IQCJ: variants seen among roughly 807,000 people sequenced by gnomAD.
IQCJ encodes IQ domain-containing protein J.
In IQCJ, 9 loss-of-function variants were observed where a neutral mutation model predicts 11.0. The ratio of observed to expected loss-of-function variants is 0.82; its 90% confidence interval spans 0.49 to 1.43. The LOEUF (loss-of-function observed/expected upper bound fraction) is 1.43. Ranked by LOEUF, IQCJ falls within the 40% of genes most tolerant of loss-of-function variation. The probability of loss-of-function intolerance (pLI) is 0.00; values close to 1 mark genes in which losing one functional copy is unlikely to be tolerated. For synonymous variants in IQCJ, 55 were observed against 51.3 expected (o/e 1.07, Z -0.31); for missense variants, 146 against 133.2 (o/e 1.10, Z -0.47).
chr3:159,203,748 G>C (rs1724488192), intron 1 of IQCJ, among the ~76,000 whole-genome samples: 1 of 152,088 alleles, frequency 6.6e-6, no homozygotes, highest in Admixed American at 6.5e-5. Flanking sequence ...GCACCTCTGA[G>C]GGCAGGTCAC....
At chr3:159,179,640 C>T (rs929089823) in intron 1 of IQCJ, among the ~76,000 whole-genome samples, 1 of 152,050 alleles carries the variant, frequency 6.6e-6, no homozygotes, top group Non-Finnish European at 1.5e-5. Flanking sequence ...AGACATTAGG[C>T]CAGTATCAGT....
intron 1 of IQCJ, among the ~76,000 whole-genome samples, chr3:159,147,230 G>A (rs1046770440): frequency 1.3e-5 from 2 of 152,204 alleles, no homozygotes; most frequent in African/African-American, 2.4e-5. Context: ...TTAGTGCAAA[G>A]GGAAATGATT....
In IQCJ at chr3:159,094,950, A is replaced by T. The variant is rs186300453; in HGVS notation, c.9+25509A>T. On this transcript the variant is annotated intron_variant, in intron 1 of 3. Transcript: ENST00000397832. ...ATCAGGTAGTAATAACTGCTGCCTC[A>T]TGAGAACATTCACCTCTGCTCTCTC... 3.1e-3 allele frequency among the ~76,000 whole-genome samples: 467 copies of T among 152,012 alleles called. 16 individuals carry two copies. Among genetic ancestry groups the T allele is most frequent in the African/African-American group, 0.011 (442 of 41,260 alleles).
chr3:159,238,166 A>G (rs1310298239), intron 1 of IQCJ, among the ~76,000 whole-genome samples: 1 of 152,150 alleles, frequency 6.6e-6, no homozygotes, highest in African/African-American at 2.4e-5. Context: ...AGGCCACTCT[A>G]TGGAAACTAT....
intron 1 of IQCJ, among the ~76,000 whole-genome samples, chr3:159,226,259 A>G (rs1288252411): frequency 2.6e-5 from 4 of 152,120 alleles, no homozygotes; most frequent in South Asian, 2.1e-4. Context: ...CTCTATTCAC[A>G]TGGTTGGTTC....
intron 1 of IQCJ, among the ~76,000 whole-genome samples, chr3:159,120,216 T>A (rs1719285795): frequency 6.6e-6 from 1 of 152,248 alleles, no homozygotes; most frequent in South Asian, 2.1e-4. Context: ...TAGAGCTATA[T>A]TTGTAGTAGG....
At chr3:159,169,279 CTTTTTTTTT>C (rs141888128) in intron 1 of IQCJ, among the ~76,000 whole-genome samples, 2 of 56,404 alleles carry the variant, frequency 3.5e-5, no homozygotes, top group Non-Finnish European at 6.2e-5. Context: ...TTCTTTCTTT[CTTTTTTTTT>C]TTTTTTTTTT....
At chr3:159,256,583 G>A (rs1727910374) in intron 3 of IQCJ, among the ~76,000 whole-genome samples, 1 of 152,160 alleles carries the variant, frequency 6.6e-6, no homozygotes, top group South Asian at 2.1e-4. Context: ...GTGACCTTGG[G>A]AACACCAGTG....
chr3:159,093,619 C>T (rs1717505598), intron 1 of IQCJ, among the ~76,000 whole-genome samples: 1 of 151,756 alleles, frequency 6.6e-6, no homozygotes. Context: ...GTGTATTAGT[C>T]TGTTCACATG....
At chr3:159,249,078 A>T (rs907281760) in intron 2 of IQCJ, among the ~76,000 whole-genome samples, 1 of 151,790 alleles carries the variant, frequency 6.6e-6, no homozygotes, top group Admixed American at 6.6e-5. Flanking sequence ...CTGGTCTCGA[A>T]CTCCTGACCT....
At chr3:159,133,993 CT>C (rs1349841086) in intron 1 of IQCJ, among the ~76,000 whole-genome samples, 1 of 151,212 alleles carries the variant, frequency 6.6e-6, no homozygotes, top group Non-Finnish European at 1.5e-5. Flanking sequence ...GGAAAATTCA[CT>C]TCTGAGCTCA....
chr3:159,237,297 A>T (rs1358167619), intron 1 of IQCJ, among the ~76,000 whole-genome samples: 1 of 152,214 alleles, frequency 6.6e-6, no homozygotes, highest in Non-Finnish European at 1.5e-5. Flanking sequence ...AATAAAAAAC[A>T]AACCAGAACA....
intron 1 of IQCJ, among the ~76,000 whole-genome samples, chr3:159,139,401 A>G (rs1460929801): frequency 6.6e-6 from 1 of 152,174 alleles, no homozygotes; most frequent in African/African-American, 2.4e-5. Context: ...TGTGACTTGG[A>G]TGCACCCCAA....
chr3:159,126,666 A>G (rs1337994177), intron 1 of IQCJ, among the ~76,000 whole-genome samples: 2 of 152,222 alleles, frequency 1.3e-5, no homozygotes, highest in Admixed American at 1.3e-4. Context: ...CTCTTAGGGA[A>G]TTTGACAGAA....
chr3:159,167,177 G>A (rs1213634159), intron 1 of IQCJ, among the ~76,000 whole-genome samples: 2 of 152,184 alleles, frequency 1.3e-5, no homozygotes, highest in Non-Finnish European at 2.9e-5. Flanking sequence ...ATTTGAACAT[G>A]AAAATCTACT....
chr3:159,144,958 G>T (rs1720840785), intron 1 of IQCJ, among the ~76,000 whole-genome samples: 1 of 152,116 alleles, frequency 6.6e-6, no homozygotes, highest in Non-Finnish European at 1.5e-5. Context: ...AGTCTCCTCA[G>T]AAGGAAAGCA....
At chr3:159,119,488 G>C (rs1402954443) in intron 1 of IQCJ, among the ~76,000 whole-genome samples, 2 of 152,094 alleles carry the variant, frequency 1.3e-5, no homozygotes, top group Non-Finnish European at 2.9e-5. Context: ...TTTTTAAGAT[G>C]AAAAATTATA....
At chr3:159,144,972 A>G (rs1720841129) in intron 1 of IQCJ, among the ~76,000 whole-genome samples, 1 of 152,214 alleles carries the variant, frequency 6.6e-6, no homozygotes, top group African/African-American at 2.4e-5. Context: ...GAAAGCAAGC[A>G]TCTGAGTGAT....
At chr3:159,226,625 T>C (rs1577094399) in intron 1 of IQCJ, among the ~76,000 whole-genome samples, 3 of 152,204 alleles carry the variant, frequency 2.0e-5, no homozygotes, top group African/African-American at 7.2e-5. Context: ...CGAATCTTAC[T>C]TTTAAATAAA....
Sources: allele counts gnomAD v4.1 joint callset (sites outside exome capture counted in the v4.1 genomes callset), GRCh38; gene constraint gnomAD v4.1.1; transcripts MANE v1.5; gene names NCBI Gene and HGNC (gene_info 2026-07-23, HGNC 2026-07-21).